The following KATNA1 variants were observed in gnomAD, a reference collection of about 807,000 sequenced individuals.
The protein encoded by KATNA1 is katanin catalytic subunit A1, also known as katanin p60 ATPase-containing subunit A1.
In KATNA1, 42 loss-of-function variants were observed where a neutral mutation model predicts 62.6. The observed-to-expected ratio is 0.67, with a 90% CI of 0.52 to 0.87. The LOEUF (loss-of-function observed/expected upper bound fraction) is 0.87, where lower values mean the gene tolerates loss of function less well. Ranked by LOEUF, KATNA1 falls within the 40% of genes least tolerant of loss-of-function variation. The probability of loss-of-function intolerance (pLI) is 0.00; values close to 1 mark genes in which losing one functional copy is unlikely to be tolerated. For synonymous variants in KATNA1, 186 were observed against 201.9 expected (o/e 0.92, Z 0.67); for missense variants, 498 against 612.5 (o/e 0.81, Z 1.97).
chr6:149,605,741 C>T (rs1273394726), intron 4 of KATNA1, among the ~76,000 whole-genome samples: 1 of 152,132 alleles, frequency 6.6e-6, no homozygotes, highest in Non-Finnish European at 1.5e-5. Context: ...GACTGCTATA[C>T]TCCTCTTCAA....
chr6:149,622,758 G>C (rs1779447808), intron 4 of KATNA1, among the ~76,000 whole-genome samples: 1 of 124,072 alleles, frequency 8.1e-6, no homozygotes. Flanking sequence ...TGGGAGGCCT[G>C]GCAGGGGGGC....
Position 149,623,124 on chromosome 6 carries a change from C to A in KATNA1, c.480G>T (p.Gln160His). Residue 160 changes from glutamine to histidine, a missense_variant, in exon 4 of 11, where the codon CAG becomes CAT. Gln to His is a conservative substitution (Grantham distance 24). Coordinates refer to ENST00000367411, the MANE Select transcript of KATNA1 (RefSeq NM_007044.4). ...KAVRCREKKE[Q>H]NKGREEKNKS... Reference sequence around the variant, plus strand: ...TTACCTTTTCCTCTCTTCCTTTATTCTGTTCTTTCTTTTCACGACAACGAA... The same window carrying A: ...TTACCTTTTCCTCTCTTCCTTTATTATGTTCTTTCTTTTCACGACAACGAA... The A allele has an allele frequency of 6.2e-7, 1 of 1,601,050 alleles. No homozygotes were observed. The highest frequency in any genetic ancestry group is 1.3e-5 in the African/African-American group (1 of 74,394).
chr6:149,600,282 G>GTTAGGCCAGGAGTTC (rs1344007269), intron 7 of KATNA1, among the ~76,000 whole-genome samples: 6 of 148,414 alleles, frequency 4.0e-5, no homozygotes, highest in African/African-American at 1.5e-4. Flanking sequence ...CAAGAGGAGT[G>GTTAGGCCAGGAGTTC]TTAGGCCAGG....
rs1351280844 is a variant in KATNA1 at position 149,623,153 on chromosome 6, C to T, written c.451G>A (p.Ala151Thr). ...AQNVHNDRGK[A>T]VRCREKKEQN... ...TCTTTCTTTTCACGACAACGAACAG[C>T]TTTCCCTCTGTCATTGTGAACATTC... The change falls in exon 4 of 11, where the codon GCT (alanine) becomes ACT (threonine). Residue 151 changes from alanine to threonine, a missense_variant. Coordinates refer to ENST00000367411, the MANE Select transcript of KATNA1 (RefSeq NM_007044.4). The T allele has an allele frequency of 3.1e-6, 5 of 1,612,168 alleles. No individual in the cohort carries two copies. The East Asian group carries it at 1.1e-4, about 36-fold the overall frequency.
At chr6:149,628,254 T>C (rs1483581757) in intron 3 of KATNA1, among the ~76,000 whole-genome samples, 1 of 146,756 alleles carries the variant, frequency 6.8e-6, no homozygotes, top group Non-Finnish European at 1.5e-5. Flanking sequence ...CCTGTCACCA[T>C]GCCCGGCTAA....
At position 149,598,357 on chromosome 6, in the gene KATNA1, G is replaced by T. The variant is rs1778407667; in HGVS notation, c.889-7C>A. On this transcript the variant is annotated splice_polypyrimidine_tract_variant and splice_region_variant and intron_variant, in intron 7 of 10. Transcript: ENST00000367411. ...CTGGAGAATAAAATCGAGCCTAAAG[G>T]AAGAAACCATGCAATATCAAGCTAT... The T allele has an allele frequency of 1.2e-6, 2 of 1,612,686 alleles. No homozygotes were observed. The highest frequency in any genetic ancestry group is 1.3e-5 in the African/African-American group (1 of 74,892).
In KATNA1 at chr6:149,623,145, A is replaced by G. The variant is rs1172803013; in HGVS notation, c.459T>C (p.Arg153=). The G allele has an allele frequency of 6.2e-7, 1 of 1,609,246 alleles. No homozygotes were observed. The highest frequency in any genetic ancestry group is 1.1e-5 in the South Asian group (1 of 89,496). ...TATTCTGTTCTTTCTTTTCACGACA[A>G]CGAACAGCTTTCCCTCTGTCATTGT... ...NVHNDRGKAV[R]CREKKEQNKG... is the part of the protein sequence containing the mutation. The change falls in exon 4 of 11, where the codon CGT becomes CGC. Residue 153 remains arginine, a synonymous_variant. Transcript: ENST00000367411.
chr6:149,599,043 T>C (rs1778432505), intron 7 of KATNA1, among the ~76,000 whole-genome samples: 1 of 151,854 alleles, frequency 6.6e-6, no homozygotes, highest in Non-Finnish European at 1.5e-5. Flanking sequence ...TTTTATATTT[T>C]TGGTAGAGAT....
intron 3 of KATNA1, chr6:149,631,630 A>G (rs1172169511): frequency 6.6e-6 from 1 of 152,176 alleles, no homozygotes; most frequent in Non-Finnish European, 1.5e-5. Flanking sequence ...AACTGAAAAC[A>G]ATCTGATCAA....
At chr6:149,608,264 A>T (rs895341651) in intron 4 of KATNA1, among the ~76,000 whole-genome samples, 1 of 152,198 alleles carries the variant, frequency 6.6e-6, no homozygotes, top group Admixed American at 6.5e-5. Context: ...ACACAGGAGG[A>T]CTCTGAAAGG....
rs771044135 is a variant in KATNA1, at chr6:149,597,563, A to G, written c.1094T>C (p.Ile365Thr). The change falls in exon 9 of 11, where the codon ATA becomes ACA. Residue 365 changes from isoleucine (I) to threonine (T), a missense_variant. Physicochemically the swap from Ile to Thr is moderately conservative, Grantham distance 89. This residue lies in a region of KATNA1 where 267 missense variants were observed against 372.6 expected (regional missense o/e 0.72). Coordinates refer to ENST00000367411, the MANE Select transcript of KATNA1 (RefSeq NM_007044.4). Reference protein sequence around the residue: ...VLAATNFPWDIDEALRRRLEK... With the variant: ...VLAATNFPWDTDEALRRRLEK... ...AAGGCGTCGTCTTAAAGCCTCATCT[A>G]TATCCCAGGGAAAATTAGTAGCTGC... 25 of 1,614,028 alleles carry G rather than the reference A, an allele frequency of 1.5e-5. No individual in the cohort carries two copies. Among genetic ancestry groups the G allele is most frequent in the Non-Finnish European group, 1.9e-5 (22 of 1,179,916 alleles).
At chr6:149,600,945 AAAG>A (rs147973842) in intron 7 of KATNA1, among the ~76,000 whole-genome samples, 4,577 of 152,186 alleles carry the variant, frequency 0.03, 214 homozygotes, top group African/African-American at 0.1. Flanking sequence ...ATTTCAAAAA[AAAG>A]AAGATTCACG....
intron 1 of KATNA1, among the ~76,000 whole-genome samples, chr6:149,639,685 G>A (rs922313712): frequency 6.6e-6 from 1 of 152,126 alleles, no homozygotes; most frequent in African/African-American, 2.4e-5. Flanking sequence ...TCAAAGCCCA[G>A]CTCAGATGGC....
rs139989714 is a variant in KATNA1 at position 149,642,708 on chromosome 6, T to G, written c.-13-4148A>C. ...AGATCTAAATCCCAATGTCATTTTATAAATTAAAAATACATATGCTATATA... is the reference window on the plus strand; with the variant it reads ...AGATCTAAATCCCAATGTCATTTTAGAAATTAAAAATACATATGCTATATA... On this transcript the variant is annotated intron_variant, in intron 1 of 10. Coordinates refer to ENST00000367411, the MANE Select transcript of KATNA1 (RefSeq NM_007044.4). Among the ~76,000 whole-genome samples the G allele has an allele frequency of 3.0e-3, 458 of 152,300 alleles. 3 individuals carry two copies. The highest frequency in any genetic ancestry group is 0.011 in the African/African-American group (443 of 41,576).
chr6:149,631,061 A>C (rs1002496174), intron 3 of KATNA1, among the ~76,000 whole-genome samples: 1 of 152,186 alleles, frequency 6.6e-6, no homozygotes, highest in Non-Finnish European at 1.5e-5. Context: ...TATAGCCTAA[A>C]ATAGTTCAGG....
At chr6:149,627,527 CAAA>C (rs796916643) in intron 3 of KATNA1, among the ~76,000 whole-genome samples, 2 of 69,572 alleles carry the variant, frequency 2.9e-5, no homozygotes, top group Non-Finnish European at 3.0e-5. Context: ...GACTCCATCT[CAAA>C]AAAAAAAAAA....
intron 1 of KATNA1, among the ~76,000 whole-genome samples, chr6:149,641,041 T>C (rs556354447): frequency 6.6e-6 from 1 of 151,912 alleles, no homozygotes; most frequent in South Asian, 2.1e-4. Flanking sequence ...TGGCTAATTT[T>C]GTATTTTTAG....
chr6:149,627,193 A>C (rs1779647483), intron 3 of KATNA1, among the ~76,000 whole-genome samples: 1 of 150,396 alleles, frequency 6.6e-6, no homozygotes, highest in Non-Finnish European at 1.5e-5. Flanking sequence ...AGGAGTTTGA[A>C]ACCCGTCTGG....
At chr6:149,605,980 G>A (rs1778721757) in intron 4 of KATNA1, among the ~76,000 whole-genome samples, 1 of 152,098 alleles carries the variant, frequency 6.6e-6, no homozygotes, top group Admixed American at 6.6e-5. Flanking sequence ...TGCTAGTCTT[G>A]AACTGCTGAC....
Sources: allele counts gnomAD v4.1 joint callset (sites outside exome capture counted in the v4.1 genomes callset), GRCh38; gene constraint gnomAD v4.1.1; regional missense constraint gnomAD v4.1.1; transcripts MANE v1.5; gene names NCBI Gene and HGNC (gene_info 2026-07-23, HGNC 2026-07-21).